ABCC4: variants seen among roughly 807,000 people sequenced by gnomAD.
ABCC4 encodes the protein ATP binding cassette subfamily C member 4 (PEL blood group), also known as ATP-binding cassette sub-family C member 4.
A neutral mutation model predicts 168.5 loss-of-function variants in ABCC4; 102 were observed. That is an observed-to-expected ratio of 0.61 (90% CI 0.52 to 0.71). The LOEUF is 0.71. ABCC4 is among the 30% of genes least tolerant of loss of function. The probability of loss-of-function intolerance (pLI) is 0.00; values close to 1 mark genes in which losing one functional copy is unlikely to be tolerated. For missense variants in ABCC4, 1,402 were observed against 1,605.8 expected (o/e 0.87, Z 2.17); for synonymous variants, 617 against 590.7 (o/e 1.04, Z -0.65).
intron 1 of ABCC4, among the ~76,000 whole-genome samples, chr13:95,259,451 T>C (rs2040473309): frequency 6.6e-6 from 1 of 151,894 alleles, no homozygotes; most frequent in Admixed American, 6.6e-5. Context: ...TCAGCACTAC[T>C]GGCATTTGGA....
chr13:95,278,082 C>A (rs2041015930), intron 1 of ABCC4, among the ~76,000 whole-genome samples: 1 of 151,786 alleles, frequency 6.6e-6, no homozygotes, highest in African/African-American at 2.4e-5. Flanking sequence ...GGAGAGAACG[C>A]CGCATGCCAT....
At chr13:95,139,475 T>C (rs888181240) in intron 19 of ABCC4, among the ~76,000 whole-genome samples, 1 of 152,140 alleles carries the variant, frequency 6.6e-6, no homozygotes, top group African/African-American at 2.4e-5. Context: ...GGGCAAGCTG[T>C]GTAGGGGGTG....
rs769026882 is a variant in ABCC4, at chr13:95,208,023, C to G, written c.786-98G>C. The G allele has an allele frequency of 4.3e-5, 61 of 1,424,670 alleles. 1 individual carries two copies. The highest frequency in any genetic ancestry group is 5.5e-5 in the Non-Finnish European group (58 of 1,051,800). 88.3% of individuals were successfully genotyped at this position (1,424,670 alleles called of 1,614,324 possible). On this transcript the variant is annotated intron_variant, in intron 6 of 30. Coordinates refer to ENST00000645237, the MANE Select transcript of ABCC4 (RefSeq NM_005845.5). ...GGGACCTGCATCACATGGTTCCCTACAGCGCTTTTGCTTCCGACAACACAG... is the reference window on the plus strand; with the variant it reads ...GGGACCTGCATCACATGGTTCCCTAGAGCGCTTTTGCTTCCGACAACACAG...
chr13:95,262,666 T>C (rs2040562050), intron 1 of ABCC4, among the ~76,000 whole-genome samples: 1 of 148,896 alleles, frequency 6.7e-6, no homozygotes, highest in Non-Finnish European at 1.5e-5. Flanking sequence ...GGAGTCTCAC[T>C]CTGTTGCCCA....
intron 27 of ABCC4, among the ~76,000 whole-genome samples, chr13:95,051,974 T>TTTTA (rs1262611352): frequency 1.6e-4 from 24 of 151,792 alleles, no homozygotes; most frequent in South Asian, 4.2e-4. Flanking sequence ...CAATTTTTAT[T>TTTTA]TTTATTTATT....
At chr13:95,245,914 G>GA (rs36077567) in intron 3 of ABCC4, among the ~76,000 whole-genome samples, 45,017 of 127,752 alleles carry the variant, frequency 0.35, 7,736 homozygotes, top group Middle Eastern at 0.45. Flanking sequence ...AATGCACCGT[G>GA]ACAACTCCCC....
At chr13:95,081,819 G>A (rs1035297578) in intron 21 of ABCC4, among the ~76,000 whole-genome samples, 2 of 151,896 alleles carry the variant, frequency 1.3e-5, no homozygotes, top group Non-Finnish European at 2.9e-5. Context: ...TGGCCAACAT[G>A]GTGAAACCCC....
At chr13:95,177,839 A>G (rs1223901703) in intron 12 of ABCC4, 46 bp from the exon 13 acceptor site, 1 of 1,548,154 alleles carries the variant, frequency 6.5e-7, no homozygotes, top group East Asian at 2.3e-5. Flanking sequence ...GGAACATGAC[A>G]ACTTTCAACA....
intron 26 of ABCC4, among the ~76,000 whole-genome samples, chr13:95,058,030 A>G (rs1594023306): frequency 6.6e-6 from 1 of 152,338 alleles, no homozygotes; most frequent in East Asian, 1.9e-4. Flanking sequence ...AGCTCCCACA[A>G]GGTAAGGCTT....
At chr13:95,293,105 T>A (rs563894078) in intron 1 of ABCC4, among the ~76,000 whole-genome samples, 1 of 152,144 alleles carries the variant, frequency 6.6e-6, no homozygotes, top group African/African-American at 2.4e-5. Context: ...AGGAACGATT[T>A]CCCACCTTCT....
Position 95,166,255 on chromosome 13 carries a change from G to A in ABCC4, c.1937C>T (p.Thr646Ile). 1.2e-6 allele frequency: 2 copies of A among 1,614,162 alleles called. No homozygotes were observed. The highest frequency in any genetic ancestry group is 1.7e-6 in the Non-Finnish European group (2 of 1,180,012). The change falls in exon 15 of 31, where the codon ACT (threonine) becomes ATT (isoleucine). Residue 646 changes from threonine (T) to isoleucine (I), a missense_variant. By Grantham distance (89) the Thr-to-Ile change is moderately conservative. This residue lies in a region of ABCC4 where 1,007 missense variants were observed against 1,127.3 expected (regional missense o/e 0.89). Transcript: ENST00000645237. ...EESEQPPVPGTPTLRNRTFSE... is the reference protein window; with the variant it reads ...EESEQPPVPGIPTLRNRTFSE... ...GAAGGTACGATTCCTTAGTGTGGGA[G>A]TTCCTGGAACTGGAGGTTGTTCACT...
chr13:95,135,270 T>C (rs963132094), intron 19 of ABCC4, among the ~76,000 whole-genome samples: 2 of 152,142 alleles, frequency 1.3e-5, no homozygotes, highest in Non-Finnish European at 2.9e-5. Flanking sequence ...CTCGTAAAAG[T>C]GAATAATGAT....
intron 27 of ABCC4, among the ~76,000 whole-genome samples, chr13:95,047,537 T>A (rs1490849203): frequency 7.5e-6 from 1 of 132,518 alleles, no homozygotes; most frequent in Admixed American, 9.3e-5. Context: ...TGGAGTGCAG[T>A]GGTGCGATCT....
rs575099410 is a variant in ABCC4, at chr13:95,257,304, T to C, written c.75-9551A>G. On this transcript the variant is annotated intron_variant, in intron 1 of 30. Coordinates refer to ENST00000645237, the MANE Select transcript of ABCC4 (RefSeq NM_005845.5). ...GGTTTTCATCCTCATCATCTTCACA[T>C]TGAATAGGCTGAAGAGGAAGAGGAA... 5.9e-5 allele frequency among the ~76,000 whole-genome samples: 9 copies of C among 152,262 alleles called. No homozygotes were observed. In the East Asian group the frequency reaches 1.4e-3, roughly 23 times the overall value.
At chr13:95,269,361 G>A (rs1363800382) in intron 1 of ABCC4, 3 of 454,206 alleles carry the variant, frequency 6.6e-6, no homozygotes, top group African/African-American at 6.0e-5. Flanking sequence ...AGGAGGTGGA[G>A]GCTGCAGTGA....
At chr13:95,024,984 A>G (rs1322214551) in intron 30 of ABCC4, among the ~76,000 whole-genome samples, 1 of 152,006 alleles carries the variant, frequency 6.6e-6, no homozygotes, top group Non-Finnish European at 1.5e-5. Flanking sequence ...GCAAGCCTCA[A>G]CAATCATAGG....
At chr13:95,059,843 A>T (rs2033219545) in intron 26 of ABCC4, among the ~76,000 whole-genome samples, 1 of 152,216 alleles carries the variant, frequency 6.6e-6, no homozygotes, top group Non-Finnish European at 1.5e-5. Context: ...CAGAACCCAG[A>T]GTAGGGCCAC....
chr13:95,181,884 T>C lies in ABCC4; in HGVS notation c.1546-3793A>G, dbSNP rs2037907052. Among the ~76,000 whole-genome samples the C allele has an allele frequency of 2.0e-5, 3 of 152,096 alleles. No individual in the cohort carries two copies. In the South Asian group the frequency reaches 6.2e-4, roughly 32 times the overall value. ...CTGAAACAACTCAGAACTCGAAGTCTCTCTATCCATATACAGCACTATCAG... is the reference window on the plus strand; with the variant it reads ...CTGAAACAACTCAGAACTCGAAGTCCCTCTATCCATATACAGCACTATCAG... On this transcript the variant is annotated intron_variant, in intron 11 of 30. Transcript: ENST00000645237.
At chr13:95,132,301 C>T (rs1351588566) in intron 19 of ABCC4, among the ~76,000 whole-genome samples, 4 of 152,072 alleles carry the variant, frequency 2.6e-5, no homozygotes, top group East Asian at 3.9e-4. Context: ...CTGCAACTTC[C>T]GCCTCCTGGG....
Sources: gnomAD v4.1 joint callset for allele counts (sites outside exome capture counted in the v4.1 genomes callset) on GRCh38, gnomAD v4.1.1 for gene constraint, gnomAD v4.1.1 regional missense constraint, MANE v1.5 for transcripts, NCBI Gene and HGNC (gene_info 2026-07-23, HGNC 2026-07-21) for gene names.